Variants in PRR16 observed in about 807,000 individuals in gnomAD.
PRR16 encodes the protein proline rich 16, also known as protein Largen.
A neutral mutation model predicts 18.2 loss-of-function variants in PRR16; 6 were observed. That is an observed-to-expected ratio of 0.33 (90% CI 0.18 to 0.65). The LOEUF (loss-of-function observed/expected upper bound fraction) is 0.65, where lower values mean the gene tolerates loss of function less well. PRR16 is among the 30% of genes least tolerant of loss of function. The pLI is 0.74. For missense variants in PRR16, 412 were observed against 376.6 expected, an observed-to-expected ratio of 1.09 and a Z score of -0.78; for synonymous variants, 151 against 147.8, an observed-to-expected ratio of 1.02 and a Z score of -0.16.
At chr5:120,481,415 G>A (rs1367929455) in intron 1 of PRR16, 1 of 260,592 alleles carries the variant, frequency 3.8e-6, no homozygotes, top group African/African-American at 2.3e-5. Flanking sequence ...ACAGGCGTGA[G>A]CCACCACGCC....
intron 1 of PRR16, among the ~76,000 whole-genome samples, chr5:120,609,592 T>C (rs555435147): frequency 4.6e-5 from 7 of 152,334 alleles, no homozygotes; most frequent in African/African-American, 1.4e-4. Context: ...AAATAATGGC[T>C]ATCTTATTGA....
At chr5:120,517,672 C>T (rs1210013407) in intron 1 of PRR16, among the ~76,000 whole-genome samples, 1 of 152,094 alleles carries the variant, frequency 6.6e-6, no homozygotes. Flanking sequence ...GACAGTAGAG[C>T]TCCAAAATAT....
intron 1 of PRR16, among the ~76,000 whole-genome samples, chr5:120,519,149 G>A (rs1246767047): frequency 1.3e-5 from 2 of 152,040 alleles, no homozygotes; most frequent in Non-Finnish European, 2.9e-5. Flanking sequence ...GGCATGGAGA[G>A]AGAATCTAGA....
At chr5:120,673,182 G>T (rs528658734) in intron 1 of PRR16, among the ~76,000 whole-genome samples, 114 of 152,296 alleles carry the variant, frequency 7.5e-4, no homozygotes, top group African/African-American at 2.5e-3. Flanking sequence ...ACTATAACAT[G>T]CAATACATTT....
chr5:120,520,695 C>T (rs908387235), intron 1 of PRR16, among the ~76,000 whole-genome samples: 1 of 152,080 alleles, frequency 6.6e-6, no homozygotes, highest in Non-Finnish European at 1.5e-5. Flanking sequence ...GACCATCTTA[C>T]GTGAGTTGTC....
chr5:120,610,208 T>C lies in PRR16; in HGVS notation c.160-75746T>C, dbSNP rs188237234. ...CAGAAATAACTGGTCCAAAATTAAA[T>C]ACTGCCTGAAAATATTCTCTATCAA... On this transcript the variant is annotated intron_variant, in intron 1 of 1. Coordinates refer to ENST00000407149, the MANE Select transcript of PRR16 (RefSeq NM_001300783.2). Among the ~76,000 whole-genome samples, 174 of 152,248 alleles carry C rather than the reference T, an allele frequency of 1.1e-3. 1 individual carries two copies. The highest frequency in any genetic ancestry group is 4.0e-3 in the African/African-American group (165 of 41,548).
intron 1 of PRR16, among the ~76,000 whole-genome samples, chr5:120,673,487 C>T (rs879926602): frequency 1.3e-5 from 2 of 152,136 alleles, no homozygotes; most frequent in Non-Finnish European, 2.9e-5. Context: ...TTTAGTGTTT[C>T]GATTAACATA....
the PRR16 span, among the ~76,000 whole-genome samples, chr5:120,713,815 T>G: frequency 6.6e-6 from 1 of 152,210 alleles, no homozygotes; most frequent in South Asian, 2.1e-4. Context: ...TTTAAATATG[T>G]AATAGTACAA....
At chr5:120,649,459 C>G (rs1415195117) in intron 1 of PRR16, among the ~76,000 whole-genome samples, 3 of 152,024 alleles carry the variant, frequency 2.0e-5, no homozygotes, top group African/African-American at 7.2e-5. Context: ...TGATTTTTTA[C>G]TACTATTGAC....
chr5:120,704,868 T>C, the PRR16 span, among the ~76,000 whole-genome samples: 2 of 152,190 alleles, frequency 1.3e-5, no homozygotes, highest in African/African-American at 4.8e-5. Flanking sequence ...TTTTTCACCA[T>C]ATGTGTAAGA....
chr5:120,542,834 G>T (rs969650288), intron 1 of PRR16, among the ~76,000 whole-genome samples: 1 of 152,094 alleles, frequency 6.6e-6, no homozygotes, highest in African/African-American at 2.4e-5. Flanking sequence ...CTCTTGTGAC[G>T]ACACCTAAGA....
chr5:120,645,140 C>T (rs1755545891), intron 1 of PRR16, among the ~76,000 whole-genome samples: 1 of 152,048 alleles, frequency 6.6e-6, no homozygotes, highest in Non-Finnish European at 1.5e-5. Flanking sequence ...GTTATGGAAA[C>T]AAGACATGAG....
chr5:120,634,847 A>G (rs1007266692), intron 1 of PRR16, among the ~76,000 whole-genome samples: 2 of 152,152 alleles, frequency 1.3e-5, no homozygotes, highest in Non-Finnish European at 2.9e-5. Flanking sequence ...CTTTGAAAAG[A>G]TAAAATTGGT....
At chr5:120,562,564 C>G (rs1386029663) in intron 1 of PRR16, among the ~76,000 whole-genome samples, 1 of 151,884 alleles carries the variant, frequency 6.6e-6, no homozygotes, top group Non-Finnish European at 1.5e-5. Flanking sequence ...TTCTTTTCTT[C>G]CTTCCTGACT....
chr5:120,580,357 G>T (rs1410810212), intron 1 of PRR16, among the ~76,000 whole-genome samples: 1 of 151,902 alleles, frequency 6.6e-6, no homozygotes, highest in African/African-American at 2.4e-5. Context: ...ATATAGTATT[G>T]GCTGTGGGTT....
chr5:120,479,581 C>T (rs1178788680), intron 1 of PRR16, among the ~76,000 whole-genome samples: 3 of 151,850 alleles, frequency 2.0e-5, no homozygotes, highest in Non-Finnish European at 4.4e-5. Context: ...TTTAACAAAT[C>T]ACCAAGAAAT....
At chr5:120,726,879 C>T in the PRR16 span, among the ~76,000 whole-genome samples, 1 of 152,046 alleles carries the variant, frequency 6.6e-6, no homozygotes, top group Non-Finnish European at 1.5e-5. Flanking sequence ...TTCTTCTACC[C>T]GCCTATGTAG....
intron 1 of PRR16, among the ~76,000 whole-genome samples, chr5:120,563,145 C>G (rs1368283611): frequency 1.3e-5 from 2 of 152,076 alleles, no homozygotes; most frequent in East Asian, 1.9e-4. Flanking sequence ...TTTTTGCCAG[C>G]TATATTATTC....
At chr5:120,513,232 A>G (rs184964599) in intron 1 of PRR16, among the ~76,000 whole-genome samples, 1 of 152,286 alleles carries the variant, frequency 6.6e-6, no homozygotes, top group Admixed American at 6.5e-5. Context: ...GCAACCTCTC[A>G]TAACAGTTTC....
Sources: allele counts gnomAD v4.1 joint callset (sites outside exome capture counted in the v4.1 genomes callset), GRCh38; gene constraint gnomAD v4.1.1; transcripts MANE v1.5; gene names NCBI Gene and HGNC (gene_info 2026-07-23, HGNC 2026-07-21).